The following NDRG3 variants were observed in gnomAD, a reference collection of about 807,000 sequenced individuals.
The protein encoded by NDRG3 is NDRG family member 3.
In NDRG3, 23 loss-of-function variants were observed where a neutral mutation model predicts 57.2. That is an observed-to-expected ratio of 0.40 (90% confidence interval 0.29 to 0.57). NDRG3 has a LOEUF of 0.57. Among genes scored for constraint, NDRG3 ranks in the 20% least tolerant of loss-of-function variants. The probability of loss-of-function intolerance (pLI) is 0.42; values close to 1 mark genes in which losing one functional copy is unlikely to be tolerated. For synonymous variants in NDRG3, 132 were observed against 162.6 expected (o/e 0.81, Z 1.43); for missense variants, 384 against 457.3 (o/e 0.84, Z 1.46).
chr20:36,657,485 G>GAA lies in NDRG3; in HGVS notation c.859-955_859-954dup, dbSNP rs757285386. Among the ~76,000 whole-genome samples the GAA allele has an allele frequency of 6.5e-3, 844 of 130,030 alleles. 6 individuals are homozygous for GAA. Among genetic ancestry groups the GAA allele is most frequent in the South Asian group, 0.015 (62 of 4,062 alleles). 85.3% of individuals were successfully genotyped at this position (130,030 alleles called of 152,430 possible). ...CCTGGGCGACAGAGTCCGTCTCCAG[G>GAA]AAAAAAAAAAAAAAAGGAACGTACA... On this transcript the variant is annotated intron_variant, in intron 13 of 15. Transcript: ENST00000349004.
intron 2 of NDRG3, among the ~76,000 whole-genome samples, chr20:36,716,971 T>C (rs774803449): frequency 2.0e-5 from 3 of 152,142 alleles, no homozygotes; most frequent in East Asian, 1.9e-4. Flanking sequence ...ATCTGTAAAA[T>C]AGAGTTAAAA....
intron 1 of NDRG3, among the ~76,000 whole-genome samples, chr20:36,738,822 CAAAAAAAAA>C (rs1158908616): frequency 1.2e-5 from 1 of 81,810 alleles, no homozygotes; most frequent in Non-Finnish European, 2.5e-5. Context: ...AAAACTGTCT[CAAAAAAAAA>C]AAAAAAAAGG....
intron 8 of NDRG3, among the ~76,000 whole-genome samples, chr20:36,678,524 T>C (rs1169492935): frequency 6.6e-6 from 1 of 151,790 alleles, no homozygotes; most frequent in Non-Finnish European, 1.5e-5. Context: ...TTACTGAAAA[T>C]ACAAAAATGA....
intron 1 of NDRG3, among the ~76,000 whole-genome samples, chr20:36,725,613 A>G (rs1479070398): frequency 2.0e-5 from 3 of 151,594 alleles, no homozygotes; most frequent in Admixed American, 1.3e-4. Flanking sequence ...AAAAAAAAAA[A>G]AAAAAGAAAA....
At chr20:36,703,798 C>A (rs575298350) in intron 3 of NDRG3, among the ~76,000 whole-genome samples, 8 of 152,058 alleles carry the variant, frequency 5.3e-5, no homozygotes, top group African/African-American at 1.9e-4. Flanking sequence ...TTCACAAGGC[C>A]GGAACATGTT....
chr20:36,676,920 C>T (rs906705513), intron 8 of NDRG3, among the ~76,000 whole-genome samples: 1 of 152,258 alleles, frequency 6.6e-6, no homozygotes, highest in Non-Finnish European at 1.5e-5. Flanking sequence ...GCCTCCTGCT[C>T]TATGGAGCAA....
At chr20:36,707,042 C>T in intron 2 of NDRG3, 35 bp from the exon 3 acceptor site, 2 of 1,607,376 alleles carry the variant, frequency 1.2e-6, no homozygotes, top group Non-Finnish European at 1.7e-6. Context: ...AGTCAGTTTC[C>T]CCACATGGTT....
intron 2 of NDRG3, among the ~76,000 whole-genome samples, chr20:36,717,090 C>A (rs1202136958): frequency 6.6e-6 from 1 of 152,204 alleles, no homozygotes; most frequent in African/African-American, 2.4e-5. Flanking sequence ...TATGCCCATG[C>A]AATTTCTGTC....
chr20:36,745,230 C>T (rs571989257), intron 1 of NDRG3, among the ~76,000 whole-genome samples: 2 of 152,236 alleles, frequency 1.3e-5, no homozygotes, highest in South Asian at 4.1e-4. Context: ...TGGCACACAG[C>T]GAGCGGTGGA....
intron 8 of NDRG3, among the ~76,000 whole-genome samples, chr20:36,679,408 G>A (rs1408843057): frequency 6.6e-6 from 1 of 152,108 alleles, no homozygotes; most frequent in Non-Finnish European, 1.5e-5. Context: ...ATGCACAGCA[G>A]CTTTACTCAT....
At chr20:36,700,374 A>C (rs764282111) in intron 3 of NDRG3, 2 of 465,388 alleles carry the variant, frequency 4.3e-6, no homozygotes, top group Non-Finnish European at 8.7e-6. Flanking sequence ...CTTCATTTTC[A>C]AAGTATGTGA....
chr20:36,682,452 C>A, intron 7 of NDRG3, 66 bp downstream of exon 7: 1 of 1,298,154 alleles, frequency 7.7e-7, no homozygotes, highest in South Asian at 1.2e-5. Flanking sequence ...TCATTTAACA[C>A]AGCAGTAATA....
At chr20:36,712,587 A>AT (rs71186015) in intron 2 of NDRG3, among the ~76,000 whole-genome samples, 69 of 5,912 alleles carry the variant, frequency 0.012, 14 homozygotes, top group Admixed American at 0.024. Context: ...ATATATATAT[A>AT]TTTTTTTTTT....
chr20:36,657,718 C>T (rs2148020947), intron 13 of NDRG3, among the ~76,000 whole-genome samples: 1 of 152,236 alleles, frequency 6.6e-6, no homozygotes, highest in African/African-American at 2.4e-5. Context: ...TGAAGGGGGA[C>T]TACTACTGAG....
intron 1 of NDRG3, among the ~76,000 whole-genome samples, chr20:36,741,001 A>T (rs954299391): frequency 6.6e-6 from 1 of 151,776 alleles, no homozygotes; most frequent in Non-Finnish European, 1.5e-5. Flanking sequence ...GTGGGGGGGG[A>T]ATCTTTTAGA....
chr20:36,692,138 T>C (rs1982312778), intron 3 of NDRG3, among the ~76,000 whole-genome samples: 1 of 152,148 alleles, frequency 6.6e-6, no homozygotes, highest in Admixed American at 6.5e-5. Context: ...CATACCAAAA[T>C]GGCAAAAATG....
intron 5 of NDRG3, among the ~76,000 whole-genome samples, chr20:36,685,292 T>G (rs1981685413): frequency 6.6e-6 from 1 of 150,516 alleles, no homozygotes; most frequent in South Asian, 2.1e-4. Context: ...TTTTTAAAAT[T>G]TTATTATTAT....
intron 3 of NDRG3, chr20:36,700,631 T>C (rs761246816): frequency 5.5e-6 from 2 of 366,470 alleles, no homozygotes; most frequent in Non-Finnish European, 1.1e-5. Context: ...CTCTATCCAG[T>C]TATCTCATCT....
At chr20:36,688,241 T>G (rs1485162110) in intron 4 of NDRG3, among the ~76,000 whole-genome samples, 1 of 152,252 alleles carries the variant, frequency 6.6e-6, no homozygotes, top group Non-Finnish European at 1.5e-5. Context: ...GGGGCCAGAA[T>G]CTTACACTAC....
Sources: gnomAD v4.1 joint callset for allele counts (sites outside exome capture counted in the v4.1 genomes callset) on GRCh38, gnomAD v4.1.1 for gene constraint, MANE v1.5 for transcripts, NCBI Gene and HGNC (gene_info 2026-07-23, HGNC 2026-07-21) for gene names.